Variants in OGDHL observed in about 807,000 individuals in gnomAD.
OGDHL encodes 2-oxoglutarate dehydrogenase-like, mitochondrial.
OGDHL carries 79 observed loss-of-function variants against 109.6 expected under a neutral mutation model. That is an observed-to-expected ratio of 0.72 (90% CI 0.60 to 0.87). The LOEUF (loss-of-function observed/expected upper bound fraction) is 0.87, where lower values mean the gene tolerates loss of function less well. Ranked by LOEUF, OGDHL falls within the 40% of genes least tolerant of loss-of-function variation. The probability of loss-of-function intolerance (pLI) is 0.00; values close to 1 mark genes in which losing one functional copy is unlikely to be tolerated. For synonymous variants in OGDHL, 528 were observed against 537.2 expected, an observed-to-expected ratio of 0.98 and a Z score of 0.24; for missense variants, 1,275 against 1,362.2, an observed-to-expected ratio of 0.94 and a Z score of 1.01.
chr10:49,758,401 C>T lies in OGDHL; in HGVS notation c.192G>A (p.Gln64=), dbSNP rs145621276. The change falls in exon 2 of 23, where the codon CAG becomes CAA. Residue 64 remains glutamine, a synonymous_variant. Coordinates refer to ENST00000374103, the MANE Select transcript of OGDHL (RefSeq NM_018245.3). ...EMYFAWLENP[Q]SVHKSWDSFF... The stretch of plus-strand genomic sequence containing the variant: ...TGGGGATGCTGACCTTGTGGACACT[C>T]TGGGGGTTTTCCAACCAGGCGAAGT... 2.6e-3 allele frequency: 4,169 copies of T among 1,612,692 alleles called. 7 individuals carry two copies. The highest frequency in any genetic ancestry group is 3.2e-3 in the Non-Finnish European group (3,787 of 1,179,526).
At chr10:49,754,084 A>G (rs1842772487) in intron 3 of OGDHL, among the ~76,000 whole-genome samples, 1 of 152,158 alleles carries the variant, frequency 6.6e-6, no homozygotes, top group African/African-American at 2.4e-5. Flanking sequence ...TAGAAGCATC[A>G]GTATAAACCC....
chr10:49,762,212 C>A, intron 1 of OGDHL, 27 bp downstream of exon 1: 1 of 152,502 alleles, frequency 6.6e-6, no homozygotes, highest in Non-Finnish European at 1.5e-5. Flanking sequence ...GCGCAGGGAC[C>A]GGGAGGGGGC....
Position 49,762,316 on chromosome 10 carries a change from C to G in OGDHL, c.-79G>C, listed in dbSNP as rs2132290827. ...GGGGGCTGCGCGGAAGGGGTGCGCG[C>G]GCGCCGTGCCAATTACCTGGGTCAC... On this transcript the variant is annotated 5_prime_UTR_variant, in exon 1 of 23. Coordinates refer to ENST00000374103, the MANE Select transcript of OGDHL (RefSeq NM_018245.3). 1 of 152,234 alleles carries G rather than the reference C, an allele frequency of 6.6e-6. No homozygotes were observed. The highest frequency in any genetic ancestry group is 2.4e-5 in the African/African-American group (1 of 41,572). The allele number at this position is 152,234 out of a possible 1,614,324, so 9.4% of individuals were successfully genotyped here. A position where few individuals can be genotyped will look rare whatever the true frequency, so the allele number is the denominator to read the frequency against.
chr10:49,749,241 T>C (rs1842419119), intron 8 of OGDHL, among the ~76,000 whole-genome samples: 1 of 152,026 alleles, frequency 6.6e-6, no homozygotes, highest in South Asian at 2.1e-4. Flanking sequence ...GGCTAGGCAG[T>C]ATGGGCTGAA....
intron 3 of OGDHL, among the ~76,000 whole-genome samples, chr10:49,753,950 G>A (rs954414090): frequency 6.6e-6 from 1 of 150,766 alleles, no homozygotes; most frequent in African/African-American, 2.4e-5. Flanking sequence ...TGAGCTCTGG[G>A]AAATCAAACA....
At position 49,738,060 on chromosome 10, in the gene OGDHL, C is replaced by T; in HGVS notation, c.2404G>A (p.Asp802Asn). 1 of 1,614,132 alleles carries T rather than the reference C, an allele frequency of 6.2e-7. No individual in the cohort carries two copies. ...TCATAGAGCTGGCTCACCTCGAAGT[C>T]CTTGGTGAATGCCTGTGGGGACGAG... ...DSDAYPAFTK[D>N]FEVSQLYDCN... is the part of the protein sequence containing the mutation. Residue 802 changes from aspartate (D) to asparagine (N), a missense_variant, in exon 19 of 23, where the codon GAC becomes AAC. Coordinates refer to ENST00000374103, the MANE Select transcript of OGDHL (RefSeq NM_018245.3).
At chr10:49,751,062 A>G in intron 6 of OGDHL, 77 bp from the exon 7 acceptor site, 1 of 1,355,304 alleles carries the variant, frequency 7.4e-7, no homozygotes, top group Non-Finnish European at 1.0e-6. Flanking sequence ...GGGGCTGTTC[A>G]TGAGTGCTCA....
In OGDHL at chr10:49,756,778, G is replaced by C; in HGVS notation, c.373C>G (p.Gln125Glu). 2 of 1,612,044 alleles carry C rather than the reference G, an allele frequency of 1.2e-6. No homozygotes were observed. Among genetic ancestry groups the C allele is most frequent in the Non-Finnish European group, 1.7e-6 (2 of 1,178,958 alleles). ...LAVQSLIRAY[Q>E]IRGHHVAQLD... ...GCTGTGCCTCAGCTGCCCCTCACCT[G>C]GTAGGCCCGGATCAGGGACTGCACA... Residue 125 changes from glutamine (Q) to glutamate (E), a missense_variant and splice_region_variant, in exon 3 of 23, where the codon CAG (glutamine) becomes GAG (glutamate). Gln to Glu is a conservative substitution (Grantham distance 29). Transcript: ENST00000374103.
At position 49,749,792 on chromosome 10, in the gene OGDHL, G is replaced by A. The variant is rs747811792; in HGVS notation, c.921C>T (p.Asn307=). The change falls in exon 8 of 23, where the codon AAC becomes AAT. Residue 307 remains asparagine (N), a synonymous_variant. Transcript: ENST00000374103. The part of the protein sequence containing the change: ...PHRGRLNVLA[N]VIRKDLEQIF... ...TCTGCTCCAGGTCCTTGCGGATCACGTTGGCCAGCACGTTCAGCCTTCCCC... is the reference window on the plus strand; with the variant it reads ...TCTGCTCCAGGTCCTTGCGGATCACATTGGCCAGCACGTTCAGCCTTCCCC... The A allele has an allele frequency of 8.1e-6, 13 of 1,600,270 alleles. No individual in the cohort carries two copies. The highest frequency in any genetic ancestry group is 4.0e-5 in the African/African-American group (3 of 74,776).
At chr10:49,756,534 T>C in intron 3 of OGDHL, 7 of 401,964 alleles carry the variant, frequency 1.7e-5, no homozygotes, top group Non-Finnish European at 3.1e-5. Flanking sequence ...GCATGGTGTG[T>C]GCAAGGAACA....
intron 1 of OGDHL, among the ~76,000 whole-genome samples, 153 bp downstream of exon 1, chr10:49,762,086 G>A (rs1029230762): frequency 6.6e-6 from 1 of 152,116 alleles, no homozygotes; most frequent in African/African-American, 2.4e-5. Flanking sequence ...GTCACAGTCT[G>A]TTCCTCCTCC....
chr10:49,735,125 C>T lies in OGDHL; in HGVS notation c.*103G>A. 2 of 1,497,118 alleles carry T rather than the reference C, an allele frequency of 1.3e-6. No individual in the cohort carries two copies. Among genetic ancestry groups the T allele is most frequent in the Non-Finnish European group, 1.8e-6 (2 of 1,115,418 alleles). The allele number at this position is 1,497,118 out of a possible 1,614,324, so 92.7% of individuals were successfully genotyped here. On this transcript the variant is annotated 3_prime_UTR_variant, in exon 23 of 23. Transcript: ENST00000374103. Reference sequence around the variant, plus strand: ...CACTGTGTCTGTTTTATCCTGGGGCCCCACAGCCCCTCTCCTGGGCAGGAG... The same window carrying T: ...CACTGTGTCTGTTTTATCCTGGGGCTCCACAGCCCCTCTCCTGGGCAGGAG...
At position 49,747,171 on chromosome 10, in the gene OGDHL, T is replaced by C; in HGVS notation, c.1025A>G (p.His342Arg). 1 of 1,614,156 alleles carries C rather than the reference T, an allele frequency of 6.2e-7. No homozygotes were observed. The highest frequency in any genetic ancestry group is 1.1e-5 in the South Asian group (1 of 91,086). Residue 342 changes from histidine to arginine, a missense_variant, in exon 9 of 23, where the codon CAT becomes CGT. Coordinates refer to ENST00000374103, the MANE Select transcript of OGDHL (RefSeq NM_018245.3). ...GDVKYHLGMY[H>R]ERINRVTNRN... is the part of the protein sequence containing the mutation. Reference sequence around the variant, plus strand: ...GTTGGTGACGCGGTTGATCCTCTCATGGTACATGCCCAGGTGGTACTTGAC... The same window carrying C: ...GTTGGTGACGCGGTTGATCCTCTCACGGTACATGCCCAGGTGGTACTTGAC...
intron 2 of OGDHL, 98 bp from the exon 3 acceptor site, chr10:49,757,044 A>G: frequency 8.0e-7 from 1 of 1,251,220 alleles, no homozygotes; most frequent in Non-Finnish European, 1.1e-6. Flanking sequence ...GTCTTCCTTG[A>G]GGACCACAGC....
At chr10:49,743,090 G>T in intron 14 of OGDHL, 112 bp from the exon 15 acceptor site, 2 of 1,369,148 alleles carry the variant, frequency 1.5e-6, no homozygotes, top group Non-Finnish European at 2.0e-6. Flanking sequence ...TGTTGATTTG[G>T]TTGGAGGGCA....
intron 12 of OGDHL, 91 bp downstream of exon 12, chr10:49,745,253 T>C (rs771289895): frequency 2.3e-4 from 350 of 1,489,584 alleles, no homozygotes; most frequent in Non-Finnish European, 3.0e-4. Context: ...AAATCCTTAG[T>C]GCCCAGCACT....
intron 1 of OGDHL, among the ~76,000 whole-genome samples, chr10:49,760,552 T>A (rs757007949): frequency 3.3e-5 from 5 of 152,154 alleles, no homozygotes; most frequent in African/African-American, 1.2e-4. Context: ...CGCTTTATCA[T>A]CCCCAGTCTA....
At position 49,752,812 on chromosome 10, in the gene OGDHL, G is replaced by A. The variant is rs1349054409; in HGVS notation, c.376-72C>T. On this transcript the variant is annotated intron_variant, in intron 3 of 22. Coordinates refer to ENST00000374103, the MANE Select transcript of OGDHL (RefSeq NM_018245.3). ...AGACCTCCTCCAGGGTAAGGCTCTG[G>A]GCCCCAGCCCCTCTCTTCCCATTCC... The A allele has an allele frequency of 3.7e-6, 4 of 1,093,624 alleles. No homozygotes were observed. In the African/African-American group the frequency reaches 4.7e-5, roughly 13 times the overall value. 67.7% of individuals were successfully genotyped at this position (1,093,624 alleles called of 1,614,324 possible).
intron 3 of OGDHL, among the ~76,000 whole-genome samples, chr10:49,756,427 G>A (rs894977496): frequency 1.3e-5 from 2 of 152,124 alleles, no homozygotes; most frequent in South Asian, 4.1e-4. Flanking sequence ...GCCCATTCTA[G>A]AGGAGAAAAC....
Sources: gnomAD v4.1 joint callset for allele counts (sites outside exome capture counted in the v4.1 genomes callset) on GRCh38, gnomAD v4.1.1 for gene constraint, MANE v1.5 for transcripts, NCBI Gene and HGNC (gene_info 2026-07-23, HGNC 2026-07-21) for gene names.